ASIC2: variants seen among roughly 807,000 people sequenced by gnomAD.
The protein encoded by ASIC2 is acid-sensing ion channel 2.
ASIC2 carries 25 observed loss-of-function variants against 57.3 expected under a neutral mutation model. That is an observed-to-expected ratio of 0.44 (90% CI 0.32 to 0.61). The LOEUF is 0.61. Ranked by LOEUF, ASIC2 falls within the 20% of genes least tolerant of loss-of-function variation. The pLI is 0.06. For synonymous variants in ASIC2, 319 were observed against 307.5 expected, an observed-to-expected ratio of 1.04 and a Z score of -0.39; for missense variants, 641 against 738.1, an observed-to-expected ratio of 0.87 and a Z score of 1.52.
intron 1 of ASIC2, among the ~76,000 whole-genome samples, chr17:33,228,789 T>A (rs1191173434): frequency 6.6e-6 from 1 of 152,212 alleles, no homozygotes; most frequent in Non-Finnish European, 1.5e-5. Flanking sequence ...GCCTGTTGGA[T>A]CCACCAGCTC....
chr17:33,378,552 C>G (rs1004225952), intron 1 of ASIC2, among the ~76,000 whole-genome samples: 1 of 152,240 alleles, frequency 6.6e-6, no homozygotes, highest in Admixed American at 6.5e-5. Flanking sequence ...TTGACACTCT[C>G]TGATTCCTCA....
intron 1 of ASIC2, among the ~76,000 whole-genome samples, chr17:33,478,271 T>C (rs975134004): frequency 6.6e-6 from 1 of 152,236 alleles, no homozygotes; most frequent in African/African-American, 2.4e-5. Context: ...GGGTAAACTG[T>C]TCATGTGTCC....
At chr17:33,827,352 G>A (rs1292233026) in intron 1 of ASIC2, among the ~76,000 whole-genome samples, 1 of 8,208 alleles carries the variant, frequency 1.2e-4, no homozygotes, top group Non-Finnish European at 3.9e-4. Flanking sequence ...TTTTTTTTGA[G>A]ACAGAGTCTT....
intron 1 of ASIC2, among the ~76,000 whole-genome samples, chr17:33,188,527 T>C (rs116791678): frequency 0.015 from 2,220 of 152,050 alleles, 34 homozygotes; most frequent in African/African-American, 0.039. Context: ...ACCAAATTGC[T>C]GAAAAGTACT....
chr17:34,036,234 A>G (rs985002013), intron 1 of ASIC2, among the ~76,000 whole-genome samples: 2 of 152,008 alleles, frequency 1.3e-5, no homozygotes, highest in Admixed American at 6.6e-5. Flanking sequence ...GACATCAATG[A>G]AACTGGAAAC....
At chr17:33,750,273 T>C (rs550124195) in intron 1 of ASIC2, among the ~76,000 whole-genome samples, 1 of 152,280 alleles carries the variant, frequency 6.6e-6, no homozygotes, top group South Asian at 2.1e-4. Flanking sequence ...GGGCAACCCC[T>C]TCCTCTTTCC....
chr17:33,232,977 G>A (rs1387158785), intron 1 of ASIC2, among the ~76,000 whole-genome samples: 1 of 152,114 alleles, frequency 6.6e-6, no homozygotes, highest in Admixed American at 6.5e-5. Flanking sequence ...TCCCCTAGAG[G>A]GAGTGAGGCC....
chr17:34,020,028 G>A (rs901961482), intron 1 of ASIC2, among the ~76,000 whole-genome samples: 2 of 152,168 alleles, frequency 1.3e-5, no homozygotes, highest in Non-Finnish European at 2.9e-5. Flanking sequence ...CCTGCCACAC[G>A]CTTTGGCCAA....
chr17:33,712,711 T>A (rs1909085268), intron 1 of ASIC2, among the ~76,000 whole-genome samples: 1 of 137,738 alleles, frequency 7.3e-6, no homozygotes. Context: ...AGTGGCGGGA[T>A]CTCGGCTCAC....
At chr17:33,166,527 T>C (rs1157799125) in intron 1 of ASIC2, among the ~76,000 whole-genome samples, 2 of 152,206 alleles carry the variant, frequency 1.3e-5, no homozygotes, top group East Asian at 3.9e-4. Flanking sequence ...CTGGAGTCCC[T>C]GAACTCTGCC....
intron 1 of ASIC2, among the ~76,000 whole-genome samples, chr17:33,418,193 A>G (rs904587807): frequency 1.3e-5 from 2 of 152,054 alleles, no homozygotes; most frequent in East Asian, 1.9e-4. Flanking sequence ...TTGAAACTCC[A>G]CAGTGCAGAG....
intron 1 of ASIC2, among the ~76,000 whole-genome samples, chr17:34,098,018 T>A (rs145576497): frequency 6.6e-6 from 1 of 152,110 alleles, no homozygotes; most frequent in East Asian, 1.9e-4. Flanking sequence ...AGGAGAGCTT[T>A]ACTCCATTTT....
At position 33,269,751 on chromosome 17, in the gene ASIC2, T is replaced by TTCCTTCCTTCCTTCCTTCC. The variant is rs1904404897; in HGVS notation, c.708+21656_708+21657insGGAAGGAAGGAAGGAAGGA. ...CCCTCCCTCCTTCCTTCCTTCCTTC[T>TTCCTTCCTTCCTTCCTTCC]TTCCTTCCTTCCTTCCTTCCTTCTT... On this transcript the variant is annotated intron_variant, in intron 1 of 9. Coordinates refer to ENST00000225823, the MANE Select transcript of ASIC2 (RefSeq NM_183377.2). Among the ~76,000 whole-genome samples, 281 of 103,026 alleles carry TTCCTTCCTTCCTTCCTTCC rather than the reference T, an allele frequency of 2.7e-3. 20 individuals are homozygous for TTCCTTCCTTCCTTCCTTCC. Among genetic ancestry groups the TTCCTTCCTTCCTTCCTTCC allele is most frequent in the African/African-American group, 9.8e-3 (270 of 27,460 alleles). 67.6% of individuals were successfully genotyped at this position (103,026 alleles called of 152,430 possible).
Position 33,819,453 on chromosome 17 carries a change from T to A in ASIC2, c.555+336525A>T, listed in dbSNP as rs1597889135. Reference sequence around the variant, plus strand: ...ACTGTGACAAAGGAAGGGAGATACATTTATGCCAAGACAATAATTGCATTA... The same window carrying A: ...ACTGTGACAAAGGAAGGGAGATACAATTATGCCAAGACAATAATTGCATTA... On this transcript the variant is annotated intron_variant, in intron 1 of 9. Coordinates refer to the ASIC2 transcript ENST00000359872. 2.0e-5 allele frequency among the ~76,000 whole-genome samples: 3 copies of A among 152,176 alleles called. No homozygotes were observed. The South Asian group carries it at 6.2e-4, about 32-fold the overall frequency.
At chr17:33,750,849 G>T (rs985772982) in intron 1 of ASIC2, among the ~76,000 whole-genome samples, 1 of 152,150 alleles carries the variant, frequency 6.6e-6, no homozygotes, top group Non-Finnish European at 1.5e-5. Flanking sequence ...ATGGGGAGAA[G>T]GGGGTGATTC....
At chr17:33,364,615 G>A (rs986064547) in intron 1 of ASIC2, among the ~76,000 whole-genome samples, 3 of 152,106 alleles carry the variant, frequency 2.0e-5, no homozygotes, top group Admixed American at 6.5e-5. Context: ...CTGGCCTTGT[G>A]AAGATGTGCT....
In ASIC2 at chr17:34,044,130, GCACA is replaced by G. The variant is rs762163810; in HGVS notation, c.555+111844_555+111847del. ...CACACACACACACACACACACGCAC[GCACA>G]CACACACACACACACCAAGAAGAAG... is the stretch of plus-strand genomic sequence containing the variant. On this transcript the variant is annotated intron_variant, in intron 1 of 9. Coordinates refer to the ASIC2 transcript ENST00000359872. 1.5e-4 allele frequency among the ~76,000 whole-genome samples: 16 copies of G among 108,802 alleles called. No homozygotes were observed. The East Asian group carries it at 1.6e-3, about 11-fold the overall frequency. 71.4% of individuals were successfully genotyped at this position (108,802 alleles called of 152,430 possible). A position where few individuals can be genotyped will look rare whatever the true frequency, so the allele number is the denominator to read the frequency against.
chr17:33,073,559 C>T (rs3923548), intron 3 of ASIC2, among the ~76,000 whole-genome samples: 5,937 of 152,154 alleles, frequency 0.039, 425 homozygotes, highest in African/African-American at 0.14. Flanking sequence ...AGCTGGTGCA[C>T]GGTGCTCACT....
At chr17:33,745,426 A>C (rs888781505) in intron 1 of ASIC2, among the ~76,000 whole-genome samples, 1 of 151,984 alleles carries the variant, frequency 6.6e-6, no homozygotes, top group African/African-American at 2.4e-5. Context: ...AAATCAATTT[A>C]CATATCCAAG....
Sources: allele counts gnomAD v4.1 joint callset (sites outside exome capture counted in the v4.1 genomes callset), GRCh38; gene constraint gnomAD v4.1.1; transcripts MANE v1.5; gene names NCBI Gene and HGNC (gene_info 2026-07-23, HGNC 2026-07-21).